Variants in ERBB4 observed in about 807,000 individuals in gnomAD.
ERBB4 encodes the protein receptor tyrosine-protein kinase erbB-4.
In ERBB4, 42 loss-of-function variants were observed where a neutral mutation model predicts 158.0. That is an observed-to-expected ratio of 0.27 (90% CI 0.21 to 0.34). The LOEUF (loss-of-function observed/expected upper bound fraction) is 0.34, where lower values mean the gene tolerates loss of function less well. Ranked by LOEUF, ERBB4 falls within the 10% of genes least tolerant of loss-of-function variation. ERBB4 has a pLI of 1.00. For missense variants in ERBB4, 1,333 were observed against 1,624.1 expected (o/e 0.82, Z 3.08); for synonymous variants, 583 against 558.7 (o/e 1.04, Z -0.61).
At chr2:211,686,335 T>G (rs1445848101) in intron 12 of ERBB4, among the ~76,000 whole-genome samples, 1 of 152,184 alleles carries the variant, frequency 6.6e-6, no homozygotes, top group Admixed American at 6.5e-5. Flanking sequence ...AATTTTCAAA[T>G]GCTTTTTCTG....
intron 16 of ERBB4, among the ~76,000 whole-genome samples, chr2:211,656,254 T>C (rs1187697838): frequency 6.6e-6 from 1 of 152,194 alleles, no homozygotes; most frequent in Non-Finnish European, 1.5e-5. Context: ...TTTTGGAAAT[T>C]CACTGAGCTT....
chr2:211,741,584 T>C (rs2074799214), intron 5 of ERBB4, among the ~76,000 whole-genome samples: 1 of 151,848 alleles, frequency 6.6e-6, no homozygotes, highest in African/African-American at 2.4e-5. Flanking sequence ...AAATCTCTAG[T>C]TACCTAATGT....
intron 5 of ERBB4, among the ~76,000 whole-genome samples, chr2:211,727,201 C>T (rs1161569622): frequency 6.6e-6 from 1 of 152,092 alleles, no homozygotes; most frequent in Non-Finnish European, 1.5e-5. Flanking sequence ...CTGTATTTTA[C>T]TTCACCATTT....
intron 16 of ERBB4, among the ~76,000 whole-genome samples, chr2:211,631,995 A>C (rs1391324735): frequency 6.6e-6 from 1 of 151,886 alleles, no homozygotes; most frequent in Admixed American, 6.6e-5. Context: ...AAAGCTCATA[A>C]AAAAAATCTG....
At chr2:212,456,173 T>C (rs1390348741) in intron 1 of ERBB4, among the ~76,000 whole-genome samples, 4 of 152,138 alleles carry the variant, frequency 2.6e-5, no homozygotes, top group Non-Finnish European at 5.9e-5. Flanking sequence ...CATTTTGCAA[T>C]GAAGAAAATG....
chr2:212,239,284 C>T (rs2083995627), intron 1 of ERBB4, among the ~76,000 whole-genome samples: 1 of 152,154 alleles, frequency 6.6e-6, no homozygotes, highest in South Asian at 2.1e-4. Context: ...CTCAAATAAT[C>T]CTCCTGTCTC....
intron 2 of ERBB4, among the ~76,000 whole-genome samples, chr2:211,983,283 G>A (rs1461904742): frequency 6.6e-6 from 1 of 152,178 alleles, no homozygotes; most frequent in Non-Finnish European, 1.5e-5. Context: ...GTTAAAGAAG[G>A]AAAGGAAACC....
chr2:211,641,957 T>C (rs1432601255), intron 16 of ERBB4, among the ~76,000 whole-genome samples: 1 of 151,928 alleles, frequency 6.6e-6, no homozygotes, highest in South Asian at 2.1e-4. Flanking sequence ...TTTATCACTC[T>C]AATAACATTG....
intron 5 of ERBB4, among the ~76,000 whole-genome samples, chr2:211,739,892 G>A (rs543971300): frequency 3.9e-5 from 6 of 152,030 alleles, no homozygotes; most frequent in African/African-American, 1.4e-4. Flanking sequence ...TCAAAGCATG[G>A]GCATTTCTAT....
chr2:212,237,743 T>C (rs2083930968), intron 1 of ERBB4, among the ~76,000 whole-genome samples: 1 of 152,236 alleles, frequency 6.6e-6, no homozygotes, highest in Admixed American at 6.5e-5. Flanking sequence ...TCCCTGACTG[T>C]GGCTACTGCC....
At chr2:212,270,458 C>T (rs1198422414) in intron 1 of ERBB4, among the ~76,000 whole-genome samples, 1 of 151,674 alleles carries the variant, frequency 6.6e-6, no homozygotes, top group Admixed American at 6.6e-5. Flanking sequence ...AGTGATTCCT[C>T]CTCCCATCGT....
chr2:211,991,234 C>CA (rs1417724165), intron 2 of ERBB4, among the ~76,000 whole-genome samples: 3 of 151,724 alleles, frequency 2.0e-5, no homozygotes, highest in Admixed American at 1.3e-4. Context: ...ATATTATAGA[C>CA]AAAAAACAAA....
chr2:211,854,804 G>T (rs1334134323), intron 3 of ERBB4, among the ~76,000 whole-genome samples: 1 of 151,998 alleles, frequency 6.6e-6, no homozygotes, highest in East Asian at 1.9e-4. Context: ...CCTTTGAAGT[G>T]TGTGTGTGTG....
At chr2:212,040,745 C>T (rs1235434162) in intron 2 of ERBB4, among the ~76,000 whole-genome samples, 1 of 152,058 alleles carries the variant, frequency 6.6e-6, no homozygotes, top group Non-Finnish European at 1.5e-5. Context: ...GGCCTTCAGG[C>T]TGTTTGTGAC....
intron 19 of ERBB4, among the ~76,000 whole-genome samples, chr2:211,603,386 T>G (rs1429244515): frequency 2.0e-5 from 3 of 151,874 alleles, no homozygotes; most frequent in African/African-American, 7.3e-5. Context: ...GGATATAGAA[T>G]ATAAAGGAAA....
Position 211,712,037 on chromosome 2 carries a change from A to AT in ERBB4, c.1124+12dup. 1 of 1,609,402 alleles carries AT rather than the reference A, an allele frequency of 6.2e-7. No individual in the cohort carries two copies. The highest frequency in any genetic ancestry group is 1.1e-5 in the South Asian group (1 of 90,972). On this transcript the variant is annotated intron_variant, in intron 9 of 27. Coordinates refer to ENST00000342788, the MANE Select transcript of ERBB4 (RefSeq NM_005235.3). ...ACTTTGTAAAATAACTTGCACAAAA[A>AT]TTTAATACTGACCCATGAATACCAG...
intron 2 of ERBB4, among the ~76,000 whole-genome samples, chr2:212,055,122 G>T (rs1279019882): frequency 6.6e-6 from 1 of 152,188 alleles, no homozygotes; most frequent in African/African-American, 2.4e-5. Context: ...CTTTTCCAAT[G>T]GTCTTAGCAA....
chr2:212,272,514 T>G (rs2085380078), intron 1 of ERBB4, among the ~76,000 whole-genome samples: 1 of 151,766 alleles, frequency 6.6e-6, no homozygotes, highest in African/African-American at 2.4e-5. Flanking sequence ...TCTCTTGCAG[T>G]GACCTGCAGT....
chr2:212,140,505 T>C (rs575991835), intron 1 of ERBB4, among the ~76,000 whole-genome samples: 3 of 146,128 alleles, frequency 2.1e-5, no homozygotes, highest in East Asian at 3.9e-4. Context: ...GTAAAAAGTA[T>C]ATTTCATTTT....
Sources: allele counts gnomAD v4.1 joint callset (sites outside exome capture counted in the v4.1 genomes callset), GRCh38; gene constraint gnomAD v4.1.1; transcripts MANE v1.5; gene names NCBI Gene and HGNC (gene_info 2026-07-23, HGNC 2026-07-21).